The following CFAP46 variants were observed in gnomAD, a reference collection of about 807,000 sequenced individuals.
The protein encoded by CFAP46 is cilia and flagella associated protein 46.
CFAP46 carries 245 observed loss-of-function variants against 325.7 expected under a neutral mutation model. The ratio of observed to expected loss-of-function variants is 0.75; its 90% confidence interval spans 0.68 to 0.84. The LOEUF (loss-of-function observed/expected upper bound fraction) is 0.84. Among genes scored for constraint, CFAP46 ranks in the 40% least tolerant of loss-of-function variants. The pLI, the probability that CFAP46 is intolerant of heterozygous loss-of-function variation, is 0.00. For synonymous variants in CFAP46, 1,523 were observed against 1,495.9 expected, an observed-to-expected ratio of 1.02 and a Z score of -0.42; for missense variants, 3,346 against 3,543.0, an observed-to-expected ratio of 0.94 and a Z score of 1.41.
At chr10:132,824,859 T>TGTGA (rs1848006315) in intron 50 of CFAP46, among the ~76,000 whole-genome samples, 2 of 140,614 alleles carry the variant, frequency 1.4e-5, no homozygotes, top group African/African-American at 2.7e-5. Flanking sequence ...GATGTGTGTG[T>TGTGA]GTGCTGATGT....
intron 4 of CFAP46, among the ~76,000 whole-genome samples, chr10:132,940,425 T>A (rs1324486366): frequency 6.6e-6 from 1 of 152,124 alleles, no homozygotes; most frequent in Non-Finnish European, 1.5e-5. Flanking sequence ...AGCACTGATT[T>A]TGTAGAAAGT....
In CFAP46 at chr10:132,877,417, A is replaced by G. The variant is rs1322934186; in HGVS notation, c.4213-456T>C. On this transcript the variant is annotated intron_variant, in intron 30 of 57. Transcript: ENST00000368586. This position sits in a 1 kb window ranked among gnomAD's most constrained non-coding sequence, Gnocchi z 5.7. ...CTGCCCAGCACTTTGAGAAGTGGATACTTGCAGAGAGAAAGGTTTCATGAG... is the reference window on the plus strand; with the variant it reads ...CTGCCCAGCACTTTGAGAAGTGGATGCTTGCAGAGAGAAAGGTTTCATGAG... Among the ~76,000 whole-genome samples, 1 of 152,162 alleles carries G rather than the reference A, an allele frequency of 6.6e-6. No homozygotes were observed. Among genetic ancestry groups the G allele is most frequent in the Non-Finnish European group, 1.5e-5 (1 of 68,036 alleles).
chr10:132,909,743 C>T (rs1297282908), intron 20 of CFAP46, among the ~76,000 whole-genome samples, 176 bp downstream of exon 20: 3 of 152,238 alleles, frequency 2.0e-5, no homozygotes, highest in African/African-American at 7.2e-5. Flanking sequence ...GGCCCCGTGC[C>T]ACACTCAAGG....
intron 17 of CFAP46, among the ~76,000 whole-genome samples, chr10:132,915,075 G>A (rs1446760784): frequency 1.3e-5 from 2 of 152,250 alleles, no homozygotes; most frequent in African/African-American, 2.4e-5. Flanking sequence ...TTCTATAAGG[G>A]GCCAAATAGC....
At position 132,877,889 on chromosome 10, in the gene CFAP46, G is replaced by T. The variant is rs1446396232; in HGVS notation, c.4204C>A (p.Pro1402Thr). ...GGCCACTTGGGCATCACCTGCTTGGGCTCCTTGACTTTCTCCTCCTTTCCC... is the reference window on the plus strand; with the variant it reads ...GGCCACTTGGGCATCACCTGCTTGGTCTCCTTGACTTTCTCCTCCTTTCCC... ...EKGKEEKVKE[P>T]KQSQSPAPIK... Residue 1402 changes from proline to threonine, a missense_variant, in exon 30 of 58, where the codon CCC becomes ACC. Transcript: ENST00000368586. The surrounding 1 kb of genome is among the most constrained non-coding windows in gnomAD (Gnocchi z 5.7). The T allele has an allele frequency of 6.5e-7, 1 of 1,546,850 alleles. No homozygotes were observed. The highest frequency in any genetic ancestry group is 2.4e-5 in the East Asian group (1 of 40,848).
chr10:132,855,673 C>T (rs1040133985), intron 39 of CFAP46, among the ~76,000 whole-genome samples: 1 of 152,154 alleles, frequency 6.6e-6, no homozygotes, highest in Non-Finnish European at 1.5e-5. Context: ...TTGGCTCATG[C>T]AGCATACATC....
At chr10:132,862,286 C>G (rs1363229976) in intron 35 of CFAP46, among the ~76,000 whole-genome samples, 1 of 152,112 alleles carries the variant, frequency 6.6e-6, no homozygotes, top group African/African-American at 2.4e-5. Flanking sequence ...CGGGGCCGGG[C>G]CCCTGCGGGG....
rs1052728368 is a variant in CFAP46, at chr10:132,828,804, G to A, written c.7117+4554C>T. 3.9e-5 allele frequency among the ~76,000 whole-genome samples: 6 copies of A among 152,064 alleles called. No individual in the cohort carries two copies. Among genetic ancestry groups the A allele is most frequent in the Admixed American group, 1.3e-4 (2 of 15,270 alleles). On this transcript the variant is annotated intron_variant, in intron 50 of 57. Coordinates refer to ENST00000368586, the MANE Select transcript of CFAP46 (RefSeq NM_001200049.3). This position sits in a 1 kb window ranked among gnomAD's most constrained non-coding sequence, Gnocchi z 4.9. Reference sequence around the variant, plus strand: ...GTTGTGTTTCGTTCTGCACTTGGACGTCCAGGGACTGCAGCCACTCATGGA... The same window carrying A: ...GTTGTGTTTCGTTCTGCACTTGGACATCCAGGGACTGCAGCCACTCATGGA...
intron 50 of CFAP46, among the ~76,000 whole-genome samples, chr10:132,822,737 CAGTGA>C (rs1434060280): frequency 3.7e-5 from 3 of 80,206 alleles, no homozygotes; most frequent in African/African-American, 4.7e-5. Context: ...GCTGTGTGTG[CAGTGA>C]TGTGTGCTGT....
chr10:132,896,753 A>G, intron 24 of CFAP46, among the ~76,000 whole-genome samples: 1 of 152,220 alleles, frequency 6.6e-6, no homozygotes, highest in East Asian at 1.9e-4. Flanking sequence ...TTCATATGGA[A>G]TTAAAAAACT....
rs760149031 is a variant in CFAP46 at position 132,937,568 on chromosome 10, T to C, written c.644A>G (p.Gln215Arg). The part of the protein sequence containing the change: ...IKSHVPQKYR[Q>R]IFSVMVRHEL... Reference sequence around the variant, plus strand: ...CTGATTTACCATAACAGAGAATATCTGCCGGTATTTCTGTGGCACGTGAGA... The same window carrying C: ...CTGATTTACCATAACAGAGAATATCCGCCGGTATTTCTGTGGCACGTGAGA... The change falls in exon 6 of 58, where the codon CAG becomes CGG. Residue 215 changes from glutamine (Q) to arginine (R), a missense_variant. Transcript: ENST00000368586. 2.5e-6 allele frequency: 4 copies of C among 1,613,632 alleles called. No individual in the cohort carries two copies. Among genetic ancestry groups the C allele is most frequent in the Non-Finnish European group, 3.4e-6 (4 of 1,179,992 alleles).
intron 22 of CFAP46, among the ~76,000 whole-genome samples, chr10:132,905,300 T>A (rs1254229244): frequency 6.6e-6 from 1 of 152,204 alleles, no homozygotes; most frequent in African/African-American, 2.4e-5. Context: ...ATCCGTCCTA[T>A]GAGGGACTCT....
chr10:132,809,710 G>A lies in CFAP46; in HGVS notation c.7664+699C>T, dbSNP rs915629925. 4.6e-5 allele frequency among the ~76,000 whole-genome samples: 7 copies of A among 152,120 alleles called. 1 individual carries two copies. The highest frequency in any genetic ancestry group is 1.7e-4 in the African/African-American group (7 of 41,426). ...CGGGGTCCCGGGAAGCTCCTTTCTG[G>A]CTCCTCCCGCCTCACCGTGGCAGGA... On this transcript the variant is annotated intron_variant, in intron 57 of 57. Coordinates refer to ENST00000368586, the MANE Select transcript of CFAP46 (RefSeq NM_001200049.3).
intron 50 of CFAP46, among the ~76,000 whole-genome samples, chr10:132,824,430 T>C (rs1179621729): frequency 1.6e-5 from 2 of 124,994 alleles, no homozygotes; most frequent in Admixed American, 7.7e-5. Context: ...TGAGTGCTGA[T>C]GTGTGCTGTG....
intron 22 of CFAP46, among the ~76,000 whole-genome samples, chr10:132,904,466 CTT>C (rs1849429692): frequency 3.9e-5 from 6 of 152,384 alleles, no homozygotes; most frequent in South Asian, 4.1e-4. Context: ...TTTCCAAAGT[CTT>C]AACGTGGAAA....
intron 35 of CFAP46, among the ~76,000 whole-genome samples, chr10:132,864,202 C>CAGTG (rs879851387): frequency 7.2e-6 from 1 of 138,138 alleles, no homozygotes; most frequent in African/African-American, 2.8e-5. Context: ...CACATGTCCC[C>CAGTG]CGCCTGAGAC....
At chr10:132,824,436 CTGTGTGCTGATGTGTGCTGTGTGCTGA>C (rs1847986530) in intron 50 of CFAP46, among the ~76,000 whole-genome samples, 1 of 102,086 alleles carries the variant, frequency 9.8e-6, no homozygotes, top group Non-Finnish European at 2.0e-5. Flanking sequence ...CTGATGTGTG[CTGTGTGCTGATGTGTGCTGTGTGCTGA>C]TGTGTGCTGT....
intron 48 of CFAP46, 81 bp from the exon 49 acceptor site, chr10:132,834,204 T>C: frequency 7.6e-7 from 1 of 1,322,238 alleles, no homozygotes; most frequent in Non-Finnish European, 1.1e-6. Flanking sequence ...GCTCAGCCTG[T>C]TTCACTCTAA....
intron 13 of CFAP46, among the ~76,000 whole-genome samples, chr10:132,921,382 G>A (rs762019659): frequency 4.6e-5 from 7 of 152,208 alleles, no homozygotes; most frequent in African/African-American, 7.2e-5. Flanking sequence ...AGAGAAGCTC[G>A]GGCAGTGAGG....
Sources: allele counts gnomAD v4.1 joint callset (sites outside exome capture counted in the v4.1 genomes callset), GRCh38; gene constraint gnomAD v4.1.1; non-coding constraint Gnocchi (gnomAD v3.1); transcripts MANE v1.5; gene names NCBI Gene and HGNC (gene_info 2026-07-23, HGNC 2026-07-21).